CAMKMT: variants seen among roughly 807,000 people sequenced by gnomAD.
CAMKMT encodes calmodulin-lysine N-methyltransferase, also known as CaM KMT.
CAMKMT carries 53 observed loss-of-function variants against 48.0 expected under a neutral mutation model. That is an observed-to-expected ratio of 1.10 (90% CI 0.89 to 1.39). The LOEUF (loss-of-function observed/expected upper bound fraction) is 1.39. Among genes scored for constraint, CAMKMT ranks in the 40% most tolerant of loss-of-function variants. The probability of loss-of-function intolerance (pLI) is 0.00; values close to 1 mark genes in which losing one functional copy is unlikely to be tolerated. For synonymous variants in CAMKMT, 165 were observed against 152.3 expected, an observed-to-expected ratio of 1.08 and a Z score of -0.61; for missense variants, 428 against 402.7, an observed-to-expected ratio of 1.06 and a Z score of -0.54.
At chr2:44,480,129 G>A (rs960219488) in intron 3 of CAMKMT, among the ~76,000 whole-genome samples, 5 of 152,156 alleles carry the variant, frequency 3.3e-5, no homozygotes, top group African/African-American at 1.2e-4. Flanking sequence ...GAACCAAATT[G>A]TAGCACCTAT....
At chr2:44,539,058 C>G (rs1409438064) in intron 3 of CAMKMT, among the ~76,000 whole-genome samples, 1 of 151,054 alleles carries the variant, frequency 6.6e-6, no homozygotes, top group Non-Finnish European at 1.5e-5. Flanking sequence ...AATCCTAGCA[C>G]TTTGGGAGGC....
intron 3 of CAMKMT, among the ~76,000 whole-genome samples, chr2:44,401,864 A>G (rs532137180): frequency 6.6e-6 from 1 of 152,210 alleles, no homozygotes; most frequent in East Asian, 1.9e-4. Context: ...TTCCCTCACT[A>G]TCATCTTGAG....
At chr2:44,507,098 C>T (rs1358396289) in intron 3 of CAMKMT, among the ~76,000 whole-genome samples, 1 of 151,094 alleles carries the variant, frequency 6.6e-6, no homozygotes, top group Non-Finnish European at 1.5e-5. Flanking sequence ...TATGTGTGTC[C>T]TTATCAGAAA....
intron 3 of CAMKMT, among the ~76,000 whole-genome samples, chr2:44,562,808 G>A (rs1332780249): frequency 2.0e-5 from 3 of 152,108 alleles, no homozygotes; most frequent in African/African-American, 7.2e-5. Flanking sequence ...TAATCTGCCC[G>A]CCTGGGTCTT....
intron 3 of CAMKMT, among the ~76,000 whole-genome samples, chr2:44,639,297 A>G (rs960377073): frequency 6.6e-6 from 1 of 152,224 alleles, no homozygotes; most frequent in Non-Finnish European, 1.5e-5. Flanking sequence ...TGACCAGATT[A>G]TGGTTTGCCT....
chr2:44,673,512 A>AGGAAGGAAGGAAGGAAGGAAGGAG (rs1553435789), intron 3 of CAMKMT, among the ~76,000 whole-genome samples: 4 of 115,260 alleles, frequency 3.5e-5, no homozygotes, highest in African/African-American at 1.4e-4. Flanking sequence ...GAAGGAAGGA[A>AGGAAGGAAGGAAGGAAGGAAGGAG]GGAAGGAAGG....
At chr2:44,685,746 T>A (rs1676299438) in intron 3 of CAMKMT, among the ~76,000 whole-genome samples, 1 of 152,156 alleles carries the variant, frequency 6.6e-6, no homozygotes, top group African/African-American at 2.4e-5. Context: ...CATATCACAC[T>A]GTGATATGAA....
At chr2:44,388,168 A>C (rs753700825) in intron 2 of CAMKMT, among the ~76,000 whole-genome samples, 1 of 152,134 alleles carries the variant, frequency 6.6e-6, no homozygotes, top group Non-Finnish European at 1.5e-5. Flanking sequence ...GTCATTTAAC[A>C]TAATCCCAGA....
At chr2:44,625,679 A>G (rs967828218) in intron 3 of CAMKMT, among the ~76,000 whole-genome samples, 1 of 152,140 alleles carries the variant, frequency 6.6e-6, no homozygotes, top group Non-Finnish European at 1.5e-5. Context: ...TTTGAATATT[A>G]TTTTTAATAC....
intron 7 of CAMKMT, among the ~76,000 whole-genome samples, chr2:44,719,212 C>G (rs1296617895): frequency 6.6e-6 from 1 of 152,156 alleles, no homozygotes; most frequent in Non-Finnish European, 1.5e-5. Flanking sequence ...TCTTCTCCAT[C>G]TAAATCCTTC....
At chr2:44,550,641 G>C (rs1667657722) in intron 3 of CAMKMT, 1 of 152,114 alleles carries the variant, frequency 6.6e-6, no homozygotes, top group South Asian at 2.1e-4. Flanking sequence ...TGGTGTGAGA[G>C]AAGTCAGTTA....
At chr2:44,535,771 T>C (rs960418826) in intron 3 of CAMKMT, among the ~76,000 whole-genome samples, 1 of 152,262 alleles carries the variant, frequency 6.6e-6, no homozygotes, top group Admixed American at 6.5e-5. Flanking sequence ...GACAAGCCCA[T>C]GTAACATCAT....
chr2:44,447,629 C>G (rs556952436), intron 3 of CAMKMT, among the ~76,000 whole-genome samples: 2 of 152,334 alleles, frequency 1.3e-5, no homozygotes, highest in East Asian at 3.9e-4. Context: ...TTCTTGAACA[C>G]TTGTAGTGGA....
chr2:44,721,736 G>A (rs999723247), intron 7 of CAMKMT, among the ~76,000 whole-genome samples: 1 of 152,134 alleles, frequency 6.6e-6, no homozygotes, highest in Non-Finnish European at 1.5e-5. Context: ...TTGGGGTGCC[G>A]AGGTGGGAGG....
At chr2:44,579,024 T>A (rs1049828581) in intron 3 of CAMKMT, among the ~76,000 whole-genome samples, 1 of 152,186 alleles carries the variant, frequency 6.6e-6, no homozygotes, top group Non-Finnish European at 1.5e-5. Flanking sequence ...TGACTGAAGT[T>A]TGCTAACATT....
At chr2:44,595,236 C>T (rs1670579990) in intron 3 of CAMKMT, among the ~76,000 whole-genome samples, 1 of 151,560 alleles carries the variant, frequency 6.6e-6, no homozygotes, top group Non-Finnish European at 1.5e-5. Context: ...TTGTGGAAGA[C>T]AGTGTGGCAA....
At chr2:44,472,421 A>G (rs1176150962) in intron 3 of CAMKMT, among the ~76,000 whole-genome samples, 1 of 152,232 alleles carries the variant, frequency 6.6e-6, no homozygotes, top group African/African-American at 2.4e-5. Context: ...CAGCGAATAA[A>G]TTGTAGCTAT....
intron 3 of CAMKMT, among the ~76,000 whole-genome samples, chr2:44,599,411 C>T (rs1399193943): frequency 3.9e-5 from 6 of 152,126 alleles, no homozygotes; most frequent in Admixed American, 1.3e-4. Context: ...TTTATAGCTA[C>T]TGCACTGGTT....
At chr2:44,465,760 A>G (rs1190695855) in intron 3 of CAMKMT, among the ~76,000 whole-genome samples, 1 of 152,208 alleles carries the variant, frequency 6.6e-6, no homozygotes, top group African/African-American at 2.4e-5. Context: ...TGATTTAATT[A>G]TAAAAACTTC....
Sources: allele counts gnomAD v4.1 joint callset (sites outside exome capture counted in the v4.1 genomes callset), GRCh38; gene constraint gnomAD v4.1.1; transcripts MANE v1.5; gene names NCBI Gene and HGNC (gene_info 2026-07-23, HGNC 2026-07-21).